ARL15: variants seen among roughly 807,000 people sequenced by gnomAD.
ARL15 encodes ADP-ribosylation factor-like protein 15.
In ARL15, 19 loss-of-function variants were observed where a neutral mutation model predicts 25.2. That is an observed-to-expected ratio of 0.75 (90% CI 0.53 to 1.10). The LOEUF (loss-of-function observed/expected upper bound fraction) is 1.10. Among genes scored for constraint, ARL15 ranks in the 50% least tolerant of loss-of-function variants. The pLI is 0.00. For synonymous variants in ARL15, 94 were observed against 86.8 expected (o/e 1.08, Z -0.46); for missense variants, 220 against 246.0 (o/e 0.89, Z 0.71).
chr5:53,903,345 C>T (rs1010926862), intron 4 of ARL15, among the ~76,000 whole-genome samples: 1 of 152,084 alleles, frequency 6.6e-6, no homozygotes, highest in Non-Finnish European at 1.5e-5. Context: ...TACCTTCCCA[C>T]GGGACATTTG....
intron 1 of ARL15, among the ~76,000 whole-genome samples, chr5:54,277,567 T>C (rs1429869243): frequency 6.6e-6 from 1 of 152,018 alleles, no homozygotes. Flanking sequence ...CTAGCTAACA[T>C]GGTGAAACCA....
intron 4 of ARL15, among the ~76,000 whole-genome samples, chr5:54,093,266 C>T (rs980767792): frequency 3.3e-5 from 5 of 152,184 alleles, no homozygotes; most frequent in African/African-American, 1.2e-4. Context: ...TAGCTCAACT[C>T]AAACATGAAA....
intron 1 of ARL15, among the ~76,000 whole-genome samples, chr5:54,204,281 A>G (rs548515540): frequency 2.0e-5 from 3 of 152,324 alleles, no homozygotes; most frequent in African/African-American, 7.2e-5. Flanking sequence ...CAAATCACAT[A>G]TAACTATTAT....
At chr5:54,212,353 G>T (rs1254624283) in intron 1 of ARL15, among the ~76,000 whole-genome samples, 1 of 152,132 alleles carries the variant, frequency 6.6e-6, no homozygotes, top group Non-Finnish European at 1.5e-5. Context: ...AAGAGGAAAA[G>T]GGAAAAGGAA....
chr5:53,958,403 G>A (rs973244960), intron 4 of ARL15, among the ~76,000 whole-genome samples: 33 of 152,040 alleles, frequency 2.2e-4, no homozygotes, highest in African/African-American at 8.0e-4. Context: ...CCCATAGTAA[G>A]CACTAGGAAA....
At chr5:54,019,694 A>T (rs894769275) in intron 4 of ARL15, among the ~76,000 whole-genome samples, 1 of 152,370 alleles carries the variant, frequency 6.6e-6, no homozygotes, top group African/African-American at 2.4e-5. Context: ...GAATATTATG[A>T]CATTCTAATG....
intron 1 of ARL15, among the ~76,000 whole-genome samples, chr5:54,205,951 G>A (rs1755855273): frequency 6.6e-6 from 1 of 152,010 alleles, no homozygotes. Context: ...AGACTAAATT[G>A]TCCTCCTTCC....
intron 4 of ARL15, among the ~76,000 whole-genome samples, chr5:54,105,539 C>T (rs1414394220): frequency 6.6e-6 from 1 of 152,108 alleles, no homozygotes; most frequent in African/African-American, 2.4e-5. Context: ...TTCTAAGTTT[C>T]ACTTACGTAA....
rs192481659 is a variant in ARL15, at chr5:53,926,849, C to T, written c.463-40136G>A. ...TTGTTCAATGAGCCAGGAAAACCCC[C>T]CACAAAATTCAGCAGAAAAAGAATA... is the stretch of plus-strand genomic sequence containing the variant. On this transcript the variant is annotated intron_variant, in intron 4 of 4. Transcript: ENST00000504924. Among the ~76,000 whole-genome samples the T allele has an allele frequency of 3.1e-3, 471 of 152,026 alleles. 2 individuals are homozygous for T. The highest frequency in any genetic ancestry group is 0.024 in the Middle Eastern group (7 of 294).
chr5:54,181,237 C>T (rs1181813481), intron 1 of ARL15, among the ~76,000 whole-genome samples: 1 of 152,048 alleles, frequency 6.6e-6, no homozygotes, highest in Non-Finnish European at 1.5e-5. Flanking sequence ...TTAAAAAAAT[C>T]TAATTCTTAC....
At chr5:53,964,991 T>C (rs1161607125) in intron 4 of ARL15, among the ~76,000 whole-genome samples, 2 of 152,236 alleles carry the variant, frequency 1.3e-5, no homozygotes, top group Non-Finnish European at 2.9e-5. Flanking sequence ...TATTGATTGC[T>C]AAGATGCCTT....
At chr5:54,002,593 C>T (rs975318135) in intron 4 of ARL15, among the ~76,000 whole-genome samples, 5 of 152,090 alleles carry the variant, frequency 3.3e-5, no homozygotes, top group Admixed American at 6.5e-5. Context: ...CTAAACCTAG[C>T]GCACTGCCAA....
chr5:53,945,227 A>G (rs900652378), intron 4 of ARL15, among the ~76,000 whole-genome samples: 1 of 152,196 alleles, frequency 6.6e-6, no homozygotes, highest in Non-Finnish European at 1.5e-5. Context: ...CTAACAGACA[A>G]TCGCTATTTC....
chr5:53,926,949 TAAA>T lies in ARL15; in HGVS notation c.463-40239_463-40237del, dbSNP rs76965646. Among the ~76,000 whole-genome samples, 1,076 of 136,188 alleles carry T rather than the reference TAAA, an allele frequency of 7.9e-3. 16 individuals are homozygous for T. Among genetic ancestry groups the T allele is most frequent in the Middle Eastern group, 0.031 (8 of 262 alleles). The allele number at this position is 136,188 out of a possible 152,430, so 89.3% of individuals were successfully genotyped here. On this transcript the variant is annotated intron_variant, in intron 4 of 4. Coordinates refer to ENST00000504924, the MANE Select transcript of ARL15 (RefSeq NM_019087.3). ...CTTCAGTCACCAAGACCTTTTTTTT[TAAA>T]AAAAAAAAATAAAGTCCAAAAGCCT...
chr5:53,956,343 T>A (rs1747154108), intron 4 of ARL15, among the ~76,000 whole-genome samples: 1 of 151,300 alleles, frequency 6.6e-6, no homozygotes, highest in Admixed American at 6.6e-5. Context: ...AAGACTGATT[T>A]CCAGGGTTAC....
intron 1 of ARL15, among the ~76,000 whole-genome samples, chr5:54,251,414 T>C (rs1757233210): frequency 6.7e-6 from 1 of 150,180 alleles, no homozygotes; most frequent in African/African-American, 2.5e-5. Flanking sequence ...TTTTAAAAAG[T>C]AATTGAATAT....
chr5:54,138,850 G>A (rs1753683261), intron 3 of ARL15, among the ~76,000 whole-genome samples: 1 of 151,956 alleles, frequency 6.6e-6, no homozygotes, highest in Non-Finnish European at 1.5e-5. Context: ...TCAAAAAATA[G>A]GCAAATGACA....
chr5:53,920,690 A>T (rs974445206), intron 4 of ARL15, among the ~76,000 whole-genome samples: 2 of 113,340 alleles, frequency 1.8e-5, no homozygotes, highest in African/African-American at 6.7e-5. Flanking sequence ...AATAAATAAA[A>T]GGAGCTGCCT....
In ARL15 at chr5:53,906,903, C is replaced by G. The variant is rs1745265047; in HGVS notation, c.463-20190G>C. Among the ~76,000 whole-genome samples the G allele has an allele frequency of 2.0e-5, 3 of 152,294 alleles. No individual in the cohort carries two copies. The South Asian group carries it at 6.2e-4, about 32-fold the overall frequency. The stretch of plus-strand genomic sequence containing the variant: ...CACACCAGTCCTTCCCATCTGCCAG[C>G]TGGGTTTCATTTTAAGAATTTCACA... On this transcript the variant is annotated intron_variant, in intron 4 of 4. Transcript: ENST00000504924.
Sources: allele counts gnomAD v4.1 joint callset (sites outside exome capture counted in the v4.1 genomes callset), GRCh38; gene constraint gnomAD v4.1.1; transcripts MANE v1.5; gene names NCBI Gene and HGNC (gene_info 2026-07-23, HGNC 2026-07-21).